The following MGAT4C variants were observed in gnomAD, a reference collection of about 807,000 sequenced individuals.
The protein encoded by MGAT4C is alpha-1,3-mannosyl-glycoprotein 4-beta-N-acetylglucosaminyltransferase C.
In MGAT4C, 19 loss-of-function variants were observed where a neutral mutation model predicts 40.1. That is an observed-to-expected ratio of 0.47 (90% CI 0.33 to 0.70). The LOEUF is 0.70. Ranked by LOEUF, MGAT4C falls within the 30% of genes least tolerant of loss-of-function variation. The probability of loss-of-function intolerance (pLI) is 0.02; values close to 1 mark genes in which losing one functional copy is unlikely to be tolerated. For synonymous variants in MGAT4C, 181 were observed against 187.1 expected (o/e 0.97, Z 0.27); for missense variants, 491 against 563.2 (o/e 0.87, Z 1.30).
At chr12:86,580,307 T>C (rs543845213) in intron 2 of MGAT4C, among the ~76,000 whole-genome samples, 1 of 151,654 alleles carries the variant, frequency 6.6e-6, no homozygotes, top group Admixed American at 6.6e-5. Flanking sequence ...ACACATTTTG[T>C]CTCTCTTCTT....
chr12:86,002,694 T>A (rs1158805220), intron 2 of MGAT4C, among the ~76,000 whole-genome samples: 1 of 149,426 alleles, frequency 6.7e-6, no homozygotes, highest in Non-Finnish European at 1.5e-5. Context: ...TATCCCATTC[T>A]ATATATATAG....
intron 1 of MGAT4C, among the ~76,000 whole-genome samples, chr12:86,145,636 T>C (rs1883410815): frequency 6.6e-6 from 1 of 152,206 alleles, no homozygotes; most frequent in African/African-American, 2.4e-5. Flanking sequence ...TATGTTTATA[T>C]TTGGGCTTAT....
intron 2 of MGAT4C, among the ~76,000 whole-genome samples, chr12:86,592,244 G>A (rs1394444557): frequency 6.6e-6 from 1 of 151,998 alleles, no homozygotes; most frequent in Non-Finnish European, 1.5e-5. Flanking sequence ...TAGTGTGATG[G>A]AAGCAGCTGT....
intron 1 of MGAT4C, among the ~76,000 whole-genome samples, chr12:86,216,651 A>C (rs1950685539): frequency 6.6e-6 from 1 of 152,214 alleles, no homozygotes; most frequent in South Asian, 2.1e-4. Context: ...TAAAATGTAA[A>C]AGAGCTCTAT....
At chr12:86,376,356 T>G (rs998788791) in intron 3 of MGAT4C, among the ~76,000 whole-genome samples, 1 of 151,672 alleles carries the variant, frequency 6.6e-6, no homozygotes, top group Non-Finnish European at 1.5e-5. Context: ...CCAGCCTGGG[T>G]GACAGAATGA....
chr12:86,140,190 A>G (rs754715468), intron 1 of MGAT4C, among the ~76,000 whole-genome samples: 2 of 152,180 alleles, frequency 1.3e-5, no homozygotes, highest in Admixed American at 6.5e-5. Context: ...TTAGTCATAT[A>G]TTAAATGTCA....
intron 1 of MGAT4C, among the ~76,000 whole-genome samples, chr12:86,833,850 T>C (rs1431065361): frequency 1.3e-5 from 2 of 151,822 alleles, no homozygotes; most frequent in African/African-American, 4.8e-5. Flanking sequence ...AACCAGTAGT[T>C]TCCTAGTGCC....
chr12:86,232,701 A>G (rs1951375295), intron 1 of MGAT4C, among the ~76,000 whole-genome samples: 1 of 152,248 alleles, frequency 6.6e-6, no homozygotes, highest in Non-Finnish European at 1.5e-5. Context: ...AATGCCAAAT[A>G]AAGAGTTGCC....
At chr12:86,380,453 A>G (rs925174025) in intron 3 of MGAT4C, among the ~76,000 whole-genome samples, 4 of 152,120 alleles carry the variant, frequency 2.6e-5, no homozygotes, top group Non-Finnish European at 5.9e-5. Context: ...GTATGCCAGA[A>G]ATAAAAAAAA....
intron 3 of MGAT4C, among the ~76,000 whole-genome samples, chr12:86,379,777 CT>C (rs376406324): frequency 6.6e-6 from 1 of 152,062 alleles, no homozygotes; most frequent in African/African-American, 2.4e-5. Context: ...TTTCAATAAT[CT>C]TATATCTGCT....
chr12:86,424,768 A>G (rs1956893788), intron 3 of MGAT4C, among the ~76,000 whole-genome samples: 1 of 152,036 alleles, frequency 6.6e-6, no homozygotes, highest in Non-Finnish European at 1.5e-5. Context: ...ATATATACAT[A>G]CATATTTAGA....
intron 1 of MGAT4C, among the ~76,000 whole-genome samples, chr12:86,768,846 A>AC (rs1446584889): frequency 3.3e-5 from 5 of 151,956 alleles, no homozygotes; most frequent in Admixed American, 2.6e-4. Flanking sequence ...TCCCTTCCTT[A>AC]CACCTTATAC....
chr12:86,589,888 G>A (rs1377382621), intron 2 of MGAT4C, among the ~76,000 whole-genome samples: 1 of 151,864 alleles, frequency 6.6e-6, no homozygotes, highest in Non-Finnish European at 1.5e-5. Flanking sequence ...AAAGCACAAG[G>A]CCTAAATCAG....
chr12:86,396,219 T>G (rs1956259249), intron 3 of MGAT4C, among the ~76,000 whole-genome samples: 1 of 152,160 alleles, frequency 6.6e-6, no homozygotes, highest in South Asian at 2.1e-4. Flanking sequence ...ATACCCAGGC[T>G]CCAGTTCAAA....
chr12:86,306,244 C>A (rs1210270475), intron 4 of MGAT4C, among the ~76,000 whole-genome samples: 2 of 150,470 alleles, frequency 1.3e-5, no homozygotes, highest in African/African-American at 5.0e-5. Context: ...TAGGTCTACA[C>A]ACACTTATCA....
intron 1 of MGAT4C, among the ~76,000 whole-genome samples, chr12:86,830,277 T>C (rs1952895735): frequency 6.6e-6 from 1 of 151,680 alleles, no homozygotes; most frequent in Non-Finnish European, 1.5e-5. Flanking sequence ...TCTTTCAGTT[T>C]GCCTGCCCCT....
At chr12:86,630,742 G>A (rs1963005260) in intron 2 of MGAT4C, among the ~76,000 whole-genome samples, 1 of 152,118 alleles carries the variant, frequency 6.6e-6, no homozygotes, top group African/African-American at 2.4e-5. Context: ...AGGTATTGAT[G>A]GATTGTATCT....
At chr12:86,432,675 T>C (rs1375187009) in intron 3 of MGAT4C, among the ~76,000 whole-genome samples, 1 of 151,956 alleles carries the variant, frequency 6.6e-6, no homozygotes, top group East Asian at 1.9e-4. Flanking sequence ...TGAAATGGGA[T>C]GCAATTTTAT....
intron 1 of MGAT4C, among the ~76,000 whole-genome samples, chr12:86,772,855 G>C (rs1220670320): frequency 6.6e-6 from 1 of 152,126 alleles, no homozygotes; most frequent in Non-Finnish European, 1.5e-5. Flanking sequence ...CAAGTTCACA[G>C]CTGGAGAGTA....
Sources: allele counts gnomAD v4.1 joint callset (sites outside exome capture counted in the v4.1 genomes callset), GRCh38; gene constraint gnomAD v4.1.1; transcripts MANE v1.5; gene names NCBI Gene and HGNC (gene_info 2026-07-23, HGNC 2026-07-21).